FOXN3: variants seen among roughly 807,000 people sequenced by gnomAD.
FOXN3 encodes the protein forkhead box protein N3.
FOXN3 carries 7 observed loss-of-function variants against 38.4 expected under a neutral mutation model. The ratio of observed to expected loss-of-function variants is 0.18; its 90% CI spans 0.10 to 0.34. The LOEUF (loss-of-function observed/expected upper bound fraction) is 0.34. Among genes scored for constraint, FOXN3 ranks in the 10% least tolerant of loss-of-function variants. FOXN3 has a pLI of 1.00. For missense variants in FOXN3, 456 were observed against 613.4 expected (o/e 0.74, Z 2.71); for synonymous variants, 230 against 242.2 (o/e 0.95, Z 0.47).
At chr14:89,310,013 T>C (rs57528739) in intron 3 of FOXN3, among the ~76,000 whole-genome samples, 17,911 of 152,202 alleles carry the variant, frequency 0.12, 1,118 homozygotes, top group East Asian at 0.22. Context: ...ATCCTACCCA[T>C]GCGGGGGTGG....
chr14:89,256,706 C>G (rs1885633216), intron 4 of FOXN3, among the ~76,000 whole-genome samples: 1 of 152,174 alleles, frequency 6.6e-6, no homozygotes, highest in Admixed American at 6.5e-5. Context: ...TAAGGATGTG[C>G]ATTATTGAGT....
At chr14:89,359,601 T>C (rs911546182) in intron 2 of FOXN3, among the ~76,000 whole-genome samples, 25 of 152,318 alleles carry the variant, frequency 1.6e-4, no homozygotes, top group Admixed American at 1.5e-3. Context: ...ACTGGAGTAG[T>C]GCCAAGAAGG....
At chr14:89,269,014 G>A (rs1238968764) in intron 4 of FOXN3, among the ~76,000 whole-genome samples, 1 of 152,114 alleles carries the variant, frequency 6.6e-6, no homozygotes, top group African/African-American at 2.4e-5. Context: ...GCACACAATC[G>A]ACCTTTATAC....
chr14:89,522,625 T>A (rs1469660524), intron 1 of FOXN3, among the ~76,000 whole-genome samples: 1 of 152,082 alleles, frequency 6.6e-6, no homozygotes, highest in African/African-American at 2.4e-5. Context: ...TGTCTTCTTT[T>A]AAGATTTTTA....
chr14:89,497,216 A>G lies in FOXN3; in HGVS notation c.-14-84726T>C, dbSNP rs529083304. ...GGTGATCCACCTGCCTCAGCTCCCG[A>G]AGTGCTGGGATTACAGGCGTGAGCC... On this transcript the variant is annotated intron_variant, in intron 1 of 6. Transcript: ENST00000345097. Among the ~76,000 whole-genome samples, 4 of 152,120 alleles carry G rather than the reference A, an allele frequency of 2.6e-5. No homozygotes were observed. In the South Asian group the frequency reaches 8.3e-4, roughly 32 times the overall value.
At chr14:89,363,244 T>A (rs1319292068) in intron 2 of FOXN3, among the ~76,000 whole-genome samples, 1 of 152,146 alleles carries the variant, frequency 6.6e-6, no homozygotes, top group African/African-American at 2.4e-5. Context: ...CCCAGCCTCT[T>A]AGAGGCTGGG....
intron 3 of FOXN3, chr14:89,291,541 C>T (rs1886872783): frequency 3.5e-6 from 2 of 577,164 alleles, no homozygotes; most frequent in Non-Finnish European, 6.8e-6. Context: ...ACAGCGACTC[C>T]AGGCAGCTGA....
intron 3 of FOXN3, among the ~76,000 whole-genome samples, chr14:89,338,186 T>A (rs1888519638): frequency 6.6e-6 from 1 of 152,022 alleles, no homozygotes. Flanking sequence ...TTTCATAGAG[T>A]CCAGCTTCTC....
intron 2 of FOXN3, 189 bp from the exon 3 acceptor site, chr14:89,350,997 T>C (rs970214584): frequency 2.0e-5 from 8 of 399,196 alleles, no homozygotes; most frequent in Non-Finnish European, 3.1e-5. Context: ...TGTATTATGT[T>C]TGATAGGCAA....
At chr14:89,279,171 T>C (rs1409780344) in intron 4 of FOXN3, among the ~76,000 whole-genome samples, 1 of 152,206 alleles carries the variant, frequency 6.6e-6, no homozygotes, top group Non-Finnish European at 1.5e-5. Context: ...TTTTCAAATG[T>C]ACAAAATTTT....
chr14:89,343,586 C>T (rs920051550), intron 3 of FOXN3, among the ~76,000 whole-genome samples: 1 of 147,596 alleles, frequency 6.8e-6, no homozygotes, highest in Non-Finnish European at 1.5e-5. Context: ...ACCTCAATAT[C>T]AGAAAGGCCA....
chr14:89,166,492 T>C (rs1234608447), intron 5 of FOXN3, among the ~76,000 whole-genome samples: 1 of 152,002 alleles, frequency 6.6e-6, no homozygotes, highest in Non-Finnish European at 1.5e-5. Context: ...AAACAGAAGC[T>C]CAGAGAGCCC....
chr14:89,395,165 T>C (rs1053829457), intron 2 of FOXN3, among the ~76,000 whole-genome samples: 1 of 152,218 alleles, frequency 6.6e-6, no homozygotes, highest in African/African-American at 2.4e-5. Context: ...GGTCACAGCC[T>C]GTGACTGATG....
chr14:89,251,988 T>C (rs183885130), intron 4 of FOXN3, among the ~76,000 whole-genome samples: 1 of 152,264 alleles, frequency 6.6e-6, no homozygotes, highest in Non-Finnish European at 1.5e-5. Context: ...CAGTAGGCTT[T>C]GGCTGAAACA....
At chr14:89,301,433 G>A (rs1001807978) in intron 3 of FOXN3, among the ~76,000 whole-genome samples, 11 of 152,006 alleles carry the variant, frequency 7.2e-5, no homozygotes, top group African/African-American at 2.7e-4. Context: ...CCATGATCAT[G>A]CCACTGCGCT....
intron 1 of FOXN3, among the ~76,000 whole-genome samples, chr14:89,610,398 G>A (rs572442772): frequency 2.8e-4 from 42 of 152,268 alleles, no homozygotes; most frequent in South Asian, 2.5e-3. Flanking sequence ...GGTGCCCCAC[G>A]TGCCCCAGTG....
intron 4 of FOXN3, among the ~76,000 whole-genome samples, chr14:89,233,134 C>T (rs1332545654): frequency 6.6e-6 from 1 of 152,214 alleles, no homozygotes; most frequent in African/African-American, 2.4e-5. Flanking sequence ...GACATTTCTT[C>T]TGAACCCTTA....
intron 4 of FOXN3, among the ~76,000 whole-genome samples, chr14:89,222,906 G>A (rs1311944847): frequency 6.6e-6 from 1 of 152,160 alleles, no homozygotes; most frequent in Admixed American, 6.5e-5. Flanking sequence ...TAGTGTTTCT[G>A]TAGGATAAGA....
chr14:89,570,417 G>A (rs900908513), intron 1 of FOXN3, among the ~76,000 whole-genome samples: 4 of 151,518 alleles, frequency 2.6e-5, no homozygotes, highest in African/African-American at 9.7e-5. Context: ...AGTGTGGAGG[G>A]CAGTTGAAGG....
Sources: allele counts gnomAD v4.1 joint callset (sites outside exome capture counted in the v4.1 genomes callset), GRCh38; gene constraint gnomAD v4.1.1; transcripts MANE v1.5; gene names NCBI Gene and HGNC (gene_info 2026-07-23, HGNC 2026-07-21).